The following KDM6A variants were observed in gnomAD, a reference collection of about 807,000 sequenced individuals.
The protein encoded by KDM6A is lysine-specific demethylase 6A.
KDM6A carries 11 observed loss-of-function variants against 117.6 expected under a neutral mutation model. That is an observed-to-expected ratio of 0.09 (90% CI 0.06 to 0.15). The LOEUF (loss-of-function observed/expected upper bound fraction) is 0.15. KDM6A is among the 10% of genes least tolerant of loss of function. KDM6A has a pLI of 1.00. For synonymous variants in KDM6A, 384 were observed against 396.1 expected (o/e 0.97, Z 0.36); for missense variants, 799 against 1,077.3 (o/e 0.74, Z 3.62).
intron 4 of KDM6A, among the ~76,000 whole-genome samples, chrX:44,996,698 G>A (rs2040876997): frequency 9.0e-6 from 1 of 110,834 alleles, no homozygotes; most frequent in Admixed American, 9.6e-5. Context: ...AATCAGCAAA[G>A]TATCATTCTT....
In KDM6A at chrX:44,990,314, G is replaced by A. The variant is rs778287955; in HGVS notation, c.384+15599G>A. ...AGCACTTTGGGATGCCAAGGTGGGC[G>A]GATCACCTGAAGTCAGGAGTTCAAG... On this transcript the variant is annotated intron_variant, in intron 4 of 29. Coordinates refer to ENST00000611820, the MANE Select transcript of KDM6A (RefSeq NM_001291415.2). Among the ~76,000 whole-genome samples the A allele has an allele frequency of 1.4e-4, 16 of 111,326 alleles. No homozygotes were observed. The South Asian group carries it at 1.5e-3, about 10-fold the overall frequency.
rs138700644 is a variant in KDM6A, at chrX:45,025,249, G to A, written c.564+4519G>A. Among the ~76,000 whole-genome samples the A allele has an allele frequency of 2.7e-4, 30 of 110,503 alleles. No individual in the cohort carries two copies. The East Asian group carries it at 8.0e-3, about 30-fold the overall frequency. ...GTGAACTCGGCTCACTGCAACCTCC[G>A]CCTCCCAGTTTCGAACAATTCTCCT... On this transcript the variant is annotated intron_variant, in intron 6 of 29. Transcript: ENST00000611820.
At chrX:45,076,042 A>G (rs2045097238) in intron 18 of KDM6A, among the ~76,000 whole-genome samples, 2 of 111,526 alleles carry the variant, frequency 1.8e-5, no homozygotes, top group South Asian at 3.7e-4. Flanking sequence ...ATTCTACACT[A>G]TCTTAAGAAT....
intron 4 of KDM6A, among the ~76,000 whole-genome samples, chrX:44,988,327 GT>G (rs1279808658): frequency 9.1e-6 from 1 of 110,382 alleles, no homozygotes; most frequent in Non-Finnish European, 1.9e-5. Context: ...TTTTTTGAAG[GT>G]TTTTAACTTC....
chrX:44,998,021 A>C (rs1280694739), intron 4 of KDM6A, among the ~76,000 whole-genome samples: 1 of 112,053 alleles, frequency 8.9e-6, no homozygotes, highest in East Asian at 2.8e-4. Flanking sequence ...CTTATAAATC[A>C]AGCTAGATTG....
rs1051535917 is a variant in KDM6A, at chrX:45,029,783, T to C, written c.565-5148T>C. 3.6e-5 allele frequency among the ~76,000 whole-genome samples: 4 copies of C among 111,242 alleles called. 1 individual carries two copies. The highest frequency in any genetic ancestry group is 1.3e-4 in the African/African-American group (4 of 30,491). The stretch of plus-strand genomic sequence containing the variant: ...GAAATACCTTGGAAATTAAGTTGGC[T>C]CATATTCTGATCATTTTGTGTACAT... On this transcript the variant is annotated intron_variant, in intron 6 of 29. Transcript: ENST00000611820.
chrX:45,107,646 A>G (rs2046579933), intron 28 of KDM6A, 110 bp downstream of exon 28: 1 of 739,291 alleles, frequency 1.4e-6, no homozygotes, highest in African/African-American at 2.2e-5. Context: ...AATCCAGTTT[A>G]TAGTAATTAA....
intron 4 of KDM6A, among the ~76,000 whole-genome samples, chrX:44,986,259 C>T (rs1166690116): frequency 9.0e-6 from 1 of 111,093 alleles, no homozygotes; most frequent in Non-Finnish European, 1.9e-5. Context: ...GGTGATATTC[C>T]CTTTATCATT....
chrX:45,066,655 T>C (rs1188298473), intron 17 of KDM6A, among the ~76,000 whole-genome samples: 2 of 112,413 alleles, frequency 1.8e-5, no homozygotes, highest in East Asian at 5.5e-4. Context: ...GCCTTTGTTA[T>C]GATTGTAAAG....
At chrX:45,079,746 A>T (rs770889043) in intron 21 of KDM6A, among the ~76,000 whole-genome samples, 1 of 111,813 alleles carries the variant, frequency 8.9e-6, no homozygotes, top group African/African-American at 3.3e-5. Context: ...GGGTTTCACC[A>T]TGTTGGCCAG....
intron 4 of KDM6A, among the ~76,000 whole-genome samples, chrX:44,975,746 C>T (rs1184061138): frequency 8.9e-6 from 1 of 111,947 alleles, no homozygotes; most frequent in Admixed American, 9.5e-5. Context: ...AAGGTCTAGA[C>T]AGATAGGGAA....
At chrX:45,027,760 G>A (rs918576852) in intron 6 of KDM6A, among the ~76,000 whole-genome samples, 10 of 110,014 alleles carry the variant, frequency 9.1e-5, no homozygotes, top group African/African-American at 3.3e-4. Context: ...TGGTTGGGAT[G>A]TAAAAATGGT....
chrX:44,943,472 G>T (rs1205154622), intron 2 of KDM6A, among the ~76,000 whole-genome samples: 1 of 109,772 alleles, frequency 9.1e-6, no homozygotes, highest in Non-Finnish European at 1.9e-5. Context: ...ATAAAGTGAA[G>T]TGCAATAAAA....
intron 10 of KDM6A, 135 bp from the exon 11 acceptor site, chrX:45,058,871 A>G: frequency 1.9e-6 from 1 of 524,637 alleles, no homozygotes; most frequent in Non-Finnish European, 3.4e-6. Context: ...ATACATACAT[A>G]CACATAAATA....
At chrX:44,902,396 CT>C (rs370587724) in intron 2 of KDM6A, among the ~76,000 whole-genome samples, 27 of 101,954 alleles carry the variant, frequency 2.6e-4, no homozygotes, top group Admixed American at 4.2e-4. Context: ...CCATTTCTAC[CT>C]TTTTTTTTTT....
intron 2 of KDM6A, among the ~76,000 whole-genome samples, chrX:44,898,315 C>G (rs2034054251): frequency 8.9e-6 from 1 of 112,228 alleles, no homozygotes; most frequent in Admixed American, 9.4e-5. Flanking sequence ...TTGTCAGCTA[C>G]TCTGTCTTAC....
At chrX:44,885,729 G>A (rs1296165764) in intron 2 of KDM6A, among the ~76,000 whole-genome samples, 3 of 109,832 alleles carry the variant, frequency 2.7e-5, no homozygotes, top group Non-Finnish European at 3.8e-5. Context: ...AAAATTAGCC[G>A]GGCATGGTGG....
chrX:45,091,774 G>T (rs1377100423), intron 27 of KDM6A, among the ~76,000 whole-genome samples: 1 of 111,686 alleles, frequency 9.0e-6, no homozygotes, highest in African/African-American at 3.2e-5. Context: ...CTTAGTCTTT[G>T]TTAAAATAGA....
intron 11 of KDM6A, 48 bp downstream of exon 11, chrX:45,059,152 T>A (rs2044204684): frequency 8.5e-7 from 1 of 1,172,064 alleles, no homozygotes; most frequent in African/African-American, 1.8e-5. Flanking sequence ...TATACAAAGA[T>A]GGTTGCATCA....
Sources: gnomAD v4.1 joint callset for allele counts (sites outside exome capture counted in the v4.1 genomes callset) on GRCh38, gnomAD v4.1.1 for gene constraint, MANE v1.5 for transcripts, NCBI Gene and HGNC (gene_info 2026-07-23, HGNC 2026-07-21) for gene names.